Variants in ARHGAP26 observed in about 807,000 individuals in gnomAD.
The protein encoded by ARHGAP26 is rho GTPase-activating protein 26.
ARHGAP26 carries 38 observed loss-of-function variants against 104.8 expected under a neutral mutation model. That is an observed-to-expected ratio of 0.36 (90% confidence interval 0.28 to 0.48). ARHGAP26 has a LOEUF of 0.48. Among genes scored for constraint, ARHGAP26 ranks in the 20% least tolerant of loss-of-function variants. The pLI is 0.99. For synonymous variants in ARHGAP26, 341 were observed against 340.0 expected (o/e 1.00, Z -0.03); for missense variants, 704 against 947.9 (o/e 0.74, Z 3.38).
At chr5:143,021,149 A>G (rs1313198973) in intron 12 of ARHGAP26, among the ~76,000 whole-genome samples, 1 of 152,218 alleles carries the variant, frequency 6.6e-6, no homozygotes. Flanking sequence ...TTATTCCCAG[A>G]GATACTTCCT....
chr5:142,772,912 A>G, intron 1 of ARHGAP26: 1 of 533,346 alleles, frequency 1.9e-6, no homozygotes, highest in Non-Finnish European at 3.8e-6. Flanking sequence ...ATTCTTTGGT[A>G]GGAAGAAACA....
chr5:143,055,876 C>G (rs149831000), intron 15 of ARHGAP26, 152 bp from the exon 16 acceptor site: 6 of 534,994 alleles, frequency 1.1e-5, no homozygotes, highest in Admixed American at 3.3e-5. Context: ...AATCTCAGAA[C>G]GCTTGCAATA....
chr5:142,907,506 G>A (rs1371869942), intron 8 of ARHGAP26, 198 bp from the exon 9 acceptor site: 3 of 318,334 alleles, frequency 9.4e-6, no homozygotes, highest in Non-Finnish European at 1.8e-5. Flanking sequence ...GGGAAATCCC[G>A]GGGTTGGTTT....
In ARHGAP26 at chr5:142,870,890, G is replaced by T. The variant is rs144444543; in HGVS notation, c.155-2510G>T. On this transcript the variant is annotated intron_variant, in intron 1 of 22. Transcript: ENST00000645722. ...CATAGAATGCAAGTGGAGAAGGGAG[G>T]TTCTCCAAAACAAGCTTGAGATGCT... is the stretch of plus-strand genomic sequence containing the variant. Among the ~76,000 whole-genome samples, 19 of 152,306 alleles carry T rather than the reference G, an allele frequency of 1.2e-4. No individual in the cohort carries two copies. The East Asian group carries it at 3.7e-3, about 29-fold the overall frequency.
chr5:142,966,531 G>A (rs555217228), intron 11 of ARHGAP26, among the ~76,000 whole-genome samples: 5 of 152,292 alleles, frequency 3.3e-5, no homozygotes, highest in African/African-American at 1.2e-4. Context: ...GAATAATAAA[G>A]TGTTGATTGT....
chr5:143,046,861 A>G (rs1784315828), intron 14 of ARHGAP26, among the ~76,000 whole-genome samples: 1 of 152,258 alleles, frequency 6.6e-6, no homozygotes, highest in African/African-American at 2.4e-5. Flanking sequence ...GTAGAAGAAA[A>G]TAACAGTTCT....
chr5:143,201,128 C>A (rs2151312465), intron 20 of ARHGAP26, among the ~76,000 whole-genome samples: 1 of 152,296 alleles, frequency 6.6e-6, no homozygotes, highest in African/African-American at 2.4e-5. Context: ...CACTGTGGGC[C>A]AGCAAACTAA....
At chr5:142,880,773 A>G (rs1181090124) in intron 4 of ARHGAP26, among the ~76,000 whole-genome samples, 7 of 152,106 alleles carry the variant, frequency 4.6e-5, no homozygotes, top group African/African-American at 1.2e-4. Context: ...CCTCACCCCT[A>G]CAACACACAC....
rs1811817608 is a variant in ARHGAP26, at chr5:143,228,270, A to G, written c.*5824A>G. 1 of 224,314 alleles carries G rather than the reference A, an allele frequency of 4.5e-6. No individual in the cohort carries two copies. Among genetic ancestry groups the G allele is most frequent in the Non-Finnish European group, 8.9e-6 (1 of 112,572 alleles). The allele number at this position is 224,314 out of a possible 1,614,324, so 13.9% of individuals were successfully genotyped here. A position where few individuals can be genotyped will look rare whatever the true frequency, so the allele number is the denominator to read the frequency against. On this transcript the variant is annotated 3_prime_UTR_variant, in exon 23 of 23. Transcript: ENST00000645722. Reference sequence around the variant, plus strand: ...GTGTATGTGTGTGTATACAGCACATATTTACATCTATGAAGACATAGACAC... The same window carrying G: ...GTGTATGTGTGTGTATACAGCACATGTTTACATCTATGAAGACATAGACAC...
intron 1 of ARHGAP26, among the ~76,000 whole-genome samples, chr5:142,868,577 T>G (rs1045064450): frequency 1.3e-5 from 2 of 151,980 alleles, no homozygotes; most frequent in Non-Finnish European, 2.9e-5. Context: ...TTAGGAGACT[T>G]GGGAATGGAC....
At chr5:142,865,475 G>C (rs1427214426) in intron 1 of ARHGAP26, among the ~76,000 whole-genome samples, 1 of 145,536 alleles carries the variant, frequency 6.9e-6, no homozygotes. Flanking sequence ...TCAACACGGA[G>C]AAGTTTTTTT....
intron 22 of ARHGAP26, among the ~76,000 whole-genome samples, chr5:143,217,940 C>T (rs915657887): frequency 9.9e-5 from 15 of 152,146 alleles, no homozygotes; most frequent in Admixed American, 6.5e-4. Context: ...CTTACAAGGC[C>T]CCTAGGGCCT....
intron 5 of ARHGAP26, among the ~76,000 whole-genome samples, chr5:142,893,895 T>C (rs1244005750): frequency 1.8e-4 from 27 of 151,950 alleles, no homozygotes. Context: ...TTTTGAGAAA[T>C]GTCTATTCAG....
chr5:142,927,778 C>T lies in ARHGAP26; in HGVS notation c.1029-4269C>T. ...TAGTTCCATCAACTTATTCTCCCAT[C>T]AGCAATGTATGAGAGTCCCAGTTAC... On this transcript the variant is annotated intron_variant, in intron 10 of 22. Transcript: ENST00000645722. 1.3e-5 allele frequency among the ~76,000 whole-genome samples: 2 copies of T among 152,216 alleles called. 1 individual carries two copies. The highest frequency in any genetic ancestry group is 3.8e-4 in the East Asian group (2 of 5,204).
intron 20 of ARHGAP26, among the ~76,000 whole-genome samples, chr5:143,181,438 C>CT (rs1360408901): frequency 6.6e-6 from 1 of 152,212 alleles, no homozygotes; most frequent in Admixed American, 6.5e-5. Flanking sequence ...CTTCCCCCTC[C>CT]TTACACCTTC....
chr5:143,115,953 C>T (rs1385910106), intron 17 of ARHGAP26, among the ~76,000 whole-genome samples: 4 of 152,064 alleles, frequency 2.6e-5, no homozygotes, highest in African/African-American at 4.8e-5. Flanking sequence ...TAGTAGTTCA[C>T]GGCATATAAG....
At chr5:142,837,197 T>C (rs2152145631) in intron 1 of ARHGAP26, among the ~76,000 whole-genome samples, 1 of 152,276 alleles carries the variant, frequency 6.6e-6, no homozygotes, top group East Asian at 1.9e-4. Context: ...TAGGTTCCTT[T>C]TAAGTTACTT....
chr5:142,991,953 A>C (rs6888562), intron 11 of ARHGAP26, among the ~76,000 whole-genome samples: 14,523 of 152,254 alleles, frequency 0.095, 1,257 homozygotes, highest in African/African-American at 0.23. Context: ...GCATATGGGA[A>C]TATCCATTTC....
At chr5:143,109,931 G>T (rs1278912937) in intron 17 of ARHGAP26, among the ~76,000 whole-genome samples, 1 of 152,122 alleles carries the variant, frequency 6.6e-6, no homozygotes, top group Non-Finnish European at 1.5e-5. Flanking sequence ...TCCAGGATTT[G>T]CCACCCTCAA....
Sources: allele counts gnomAD v4.1 joint callset (sites outside exome capture counted in the v4.1 genomes callset), GRCh38; gene constraint gnomAD v4.1.1; transcripts MANE v1.5; gene names NCBI Gene and HGNC (gene_info 2026-07-23, HGNC 2026-07-21).